HYCC1: variants seen among roughly 807,000 people sequenced by gnomAD.
HYCC1 encodes the protein hyccin PI4KA lipid kinase complex subunit 1, also known as hyccin.
the HYCC1 span, among the ~76,000 whole-genome samples, chr7:22,924,561 A>G: frequency 1.3e-5 from 2 of 152,246 alleles, no homozygotes; most frequent in African/African-American, 4.8e-5. Context: ...CGAGGGTCCT[A>G]CACCCATAGA....
chr7:23,006,531 T>C, the HYCC1 span, among the ~76,000 whole-genome samples: 5 of 152,186 alleles, frequency 3.3e-5, no homozygotes, highest in Non-Finnish European at 7.3e-5. Context: ...CCTCCCAAAG[T>C]GCTGGGATTA....
the HYCC1 span, chr7:22,977,547 A>G: frequency 1.7e-6 from 1 of 597,324 alleles, no homozygotes. Context: ...TTAAGTTAAA[A>G]CCTTAAACCA....
chr7:22,993,610 G>A, the HYCC1 span, among the ~76,000 whole-genome samples: 1,679 of 152,116 alleles, frequency 0.011, 26 homozygotes, highest in African/African-American at 0.039. Context: ...TGGAAACTTA[G>A]CACATGAAAC....
the HYCC1 span, among the ~76,000 whole-genome samples, chr7:22,988,822 C>G: frequency 6.6e-6 from 1 of 152,182 alleles, no homozygotes; most frequent in Non-Finnish European, 1.5e-5. Context: ...CTCAATGTAA[C>G]CAATCTACCA....
At chr7:22,923,545 A>G in the HYCC1 span, among the ~76,000 whole-genome samples, 1 of 152,204 alleles carries the variant, frequency 6.6e-6, no homozygotes, top group African/African-American at 2.4e-5. Flanking sequence ...GAAAATAGTA[A>G]GAATTAGAGC....
the HYCC1 span, among the ~76,000 whole-genome samples, chr7:22,994,656 C>G: frequency 6.6e-6 from 1 of 152,090 alleles, no homozygotes; most frequent in Non-Finnish European, 1.5e-5. Flanking sequence ...TTGTTTAGCA[C>G]GCATGCAAGC....
At chr7:22,919,322 C>T in the HYCC1 span, among the ~76,000 whole-genome samples, 1 of 152,092 alleles carries the variant, frequency 6.6e-6, no homozygotes, top group Non-Finnish European at 1.5e-5. Flanking sequence ...TGAAGTTGAG[C>T]GTTTGAGACC....
chr7:22,951,191 T>C, the HYCC1 span, among the ~76,000 whole-genome samples: 2 of 152,000 alleles, frequency 1.3e-5, no homozygotes, highest in Non-Finnish European at 2.9e-5. Context: ...TTCTCTCAAA[T>C]GTCATTTTAT....
chr7:23,001,982 T>C, the HYCC1 span, among the ~76,000 whole-genome samples: 2 of 151,598 alleles, frequency 1.3e-5, no homozygotes, highest in East Asian at 3.9e-4. Context: ...GAAAACTGCC[T>C]CCAAACGATG....
the HYCC1 span, among the ~76,000 whole-genome samples, chr7:22,994,485 T>C: frequency 3.3e-5 from 5 of 152,266 alleles, no homozygotes; most frequent in Non-Finnish European, 4.4e-5. Context: ...GTGTATACAT[T>C]TGGTGAAAAT....
At chr7:22,932,202 C>T in the HYCC1 span, among the ~76,000 whole-genome samples, 8 of 152,132 alleles carry the variant, frequency 5.3e-5, no homozygotes, top group Admixed American at 2.6e-4. Context: ...GGCTTGAACG[C>T]CCATGAGCTG....
chr7:22,955,054 C>T, the HYCC1 span, among the ~76,000 whole-genome samples: 2 of 151,328 alleles, frequency 1.3e-5, no homozygotes, highest in East Asian at 1.9e-4. Context: ...GTGATATACA[C>T]GTTAGATAAT....
chr7:22,976,388 G>C, the HYCC1 span: 3 of 949,618 alleles, frequency 3.2e-6, no homozygotes, highest in Non-Finnish European at 5.0e-6. Context: ...ACTCCTTGGG[G>C]AGAGATACAA....
At chr7:22,942,958 G>A in the HYCC1 span, 1 of 152,072 alleles carries the variant, frequency 6.6e-6, no homozygotes, top group Non-Finnish European at 1.5e-5. Context: ...ATCAATTAGT[G>A]CAAATCATTT....
chr7:22,971,244 GTTAA>G, the HYCC1 span, among the ~76,000 whole-genome samples: 2 of 148,922 alleles, frequency 1.3e-5, no homozygotes, highest in East Asian at 1.9e-4. Context: ...GAAAAGAAAG[GTTAA>G]TTATCAGATA....
At chr7:23,008,136 C>T in the HYCC1 span, among the ~76,000 whole-genome samples, 1 of 152,002 alleles carries the variant, frequency 6.6e-6, no homozygotes, top group South Asian at 2.1e-4. Context: ...TTTACACATG[C>T]TATAATTTAG....
chr7:22,947,072 A>C, the HYCC1 span: 1 of 1,550,344 alleles, frequency 6.5e-7, no homozygotes, highest in East Asian at 2.4e-5. Context: ...CTTTGCTCTC[A>C]GTTCTAGGAT....
chr7:22,925,661 T>G, the HYCC1 span, among the ~76,000 whole-genome samples: 1 of 152,110 alleles, frequency 6.6e-6, no homozygotes, highest in Non-Finnish European at 1.5e-5. Flanking sequence ...GAACAAATCC[T>G]CCAAGAAATA....
the HYCC1 span, chr7:22,944,676 T>C: frequency 6.6e-6 from 1 of 152,138 alleles, no homozygotes; most frequent in Non-Finnish European, 1.5e-5. Context: ...GAGAGCTATG[T>C]TGCAAGATTT....
Sources: gnomAD v4.1 joint callset for allele counts (sites outside exome capture counted in the v4.1 genomes callset) on GRCh38, gnomAD v4.1.1 for gene constraint, MANE v1.5 for transcripts, NCBI Gene and HGNC (gene_info 2026-07-23, HGNC 2026-07-21) for gene names.